The following MACROD2 variants were observed in gnomAD, a reference collection of about 807,000 sequenced individuals.
MACROD2 encodes mono-ADP ribosylhydrolase 2.
In MACROD2, 36 loss-of-function variants were observed where a neutral mutation model predicts 70.4. The ratio of observed to expected loss-of-function variants is 0.51; its 90% CI spans 0.39 to 0.68. MACROD2 has a LOEUF of 0.68. Ranked by LOEUF, MACROD2 falls within the 30% of genes least tolerant of loss-of-function variation. The pLI, the probability that MACROD2 is intolerant of heterozygous loss-of-function variation, is 0.00. For synonymous variants in MACROD2, 172 were observed against 178.8 expected, an observed-to-expected ratio of 0.96 and a Z score of 0.30; for missense variants, 496 against 538.4, an observed-to-expected ratio of 0.92 and a Z score of 0.78.
At chr20:15,830,278 A>C (rs753799079) in intron 8 of MACROD2, among the ~76,000 whole-genome samples, 1 of 152,218 alleles carries the variant, frequency 6.6e-6, no homozygotes, top group Non-Finnish European at 1.5e-5. Context: ...ACAGCATACA[A>C]AGTCACAAGG....
At chr20:14,223,401 A>T (rs998074303) in intron 3 of MACROD2, 4 of 152,226 alleles carry the variant, frequency 2.6e-5, no homozygotes, top group African/African-American at 9.6e-5. Context: ...GGTGTGAAAG[A>T]CAAAGATGAA....
chr20:15,964,821 C>T (rs1031603623), intron 12 of MACROD2, among the ~76,000 whole-genome samples: 1 of 152,150 alleles, frequency 6.6e-6, no homozygotes, highest in Non-Finnish European at 1.5e-5. Flanking sequence ...AAACCATCTT[C>T]CATAGGTACC....
chr20:15,981,494 GT>G (rs992985277), intron 13 of MACROD2, among the ~76,000 whole-genome samples: 2 of 152,042 alleles, frequency 1.3e-5, no homozygotes. Flanking sequence ...CAGGAACTGG[GT>G]CTGTAGGCAC....
intron 3 of MACROD2, among the ~76,000 whole-genome samples, chr20:14,305,842 A>AT (rs112159381): frequency 0.01 from 1,543 of 148,528 alleles, 24 homozygotes; most frequent in African/African-American, 0.033. Context: ...TTTGTTACAT[A>AT]TTTTTTTTTT....
chr20:15,672,991 A>G (rs116178170), intron 8 of MACROD2, among the ~76,000 whole-genome samples: 4,876 of 152,252 alleles, frequency 0.032, 101 homozygotes, highest in African/African-American at 0.042. Context: ...CATGTAAGAC[A>G]TGCCTTTTAC....
At chr20:15,898,570 A>AAG (rs397963173) in intron 10 of MACROD2, among the ~76,000 whole-genome samples, 1 of 150,936 alleles carries the variant, frequency 6.6e-6, no homozygotes, top group African/African-American at 2.4e-5. Flanking sequence ...AAAAAAAAAA[A>AAG]CAAATTCTAG....
At chr20:14,267,870 G>C in intron 3 of MACROD2, among the ~76,000 whole-genome samples, 1 of 152,088 alleles carries the variant, frequency 6.6e-6, no homozygotes, top group South Asian at 2.1e-4. Context: ...GGGATTCATA[G>C]ACCCCTGAAA....
Position 15,450,188 on chromosome 20 carries a change from G to A in MACROD2, c.571+18753G>A, listed in dbSNP as rs192885032. On this transcript the variant is annotated intron_variant, in intron 7 of 17. Transcript: ENST00000684519. The stretch of plus-strand genomic sequence containing the variant: ...TTATATATAGTATGTTTACTTGTCT[G>A]TGTGTGTACACATACATATAGTGAA... Among the ~76,000 whole-genome samples the A allele has an allele frequency of 1.4e-3, 208 of 151,930 alleles. 1 individual carries two copies. Among genetic ancestry groups the A allele is most frequent in the African/African-American group, 4.9e-3 (205 of 41,460 alleles).
intron 5 of MACROD2, among the ~76,000 whole-genome samples, chr20:15,004,766 A>G (rs1249111920): frequency 6.6e-6 from 1 of 152,342 alleles, no homozygotes; most frequent in African/African-American, 2.4e-5. Flanking sequence ...AGTAAATTCA[A>G]ACTGTTTACT....
intron 8 of MACROD2, among the ~76,000 whole-genome samples, chr20:15,821,978 G>C (rs1387687275): frequency 6.6e-5 from 10 of 152,120 alleles, no homozygotes; most frequent in African/African-American, 2.4e-4. Context: ...GCAACAGTTA[G>C]GACACTCAAT....
chr20:15,914,751 C>T (rs1001209916), intron 10 of MACROD2, among the ~76,000 whole-genome samples: 3 of 152,098 alleles, frequency 2.0e-5, no homozygotes, highest in Non-Finnish European at 4.4e-5. Flanking sequence ...AGATTAAGGA[C>T]TCAGTCCCAC....
intron 3 of MACROD2, among the ~76,000 whole-genome samples, chr20:14,140,453 C>T (rs577297957): frequency 2.6e-5 from 4 of 152,242 alleles, no homozygotes; most frequent in East Asian, 1.9e-4. Flanking sequence ...TGATTCTGAG[C>T]ATAGCATTTG....
intron 5 of MACROD2, among the ~76,000 whole-genome samples, chr20:15,050,264 C>G (rs1398289686): frequency 2.0e-5 from 3 of 152,100 alleles, no homozygotes; most frequent in African/African-American, 7.2e-5. Flanking sequence ...TGTAATTTGA[C>G]TTTCATATGG....
chr20:14,153,942 A>G (rs984880931), intron 3 of MACROD2, among the ~76,000 whole-genome samples: 3 of 152,290 alleles, frequency 2.0e-5, no homozygotes, highest in African/African-American at 7.2e-5. Context: ...TCTAATTTCA[A>G]CACCCTTTGC....
In MACROD2 at chr20:14,763,027, A is replaced by C. The variant is rs569495813; in HGVS notation, c.418+78068A>C. On this transcript the variant is annotated intron_variant, in intron 5 of 17. Coordinates refer to ENST00000684519, the MANE Select transcript of MACROD2 (RefSeq NM_001351661.2). ...GTGCAGTTACCATCGAGAGCAGGAA[A>C]ATAACAGAGAACAGAGAAAGGGGGA... 5.9e-5 allele frequency among the ~76,000 whole-genome samples: 9 copies of C among 152,214 alleles called. No individual in the cohort carries two copies. The South Asian group carries it at 1.7e-3, about 28-fold the overall frequency.
intron 6 of MACROD2, among the ~76,000 whole-genome samples, chr20:15,269,245 A>C (rs1205387361): frequency 6.6e-6 from 1 of 152,186 alleles, no homozygotes; most frequent in Non-Finnish European, 1.5e-5. Flanking sequence ...CATGCAGATG[A>C]TATGGTTAAG....
At chr20:14,745,656 C>T (rs568312365) in intron 5 of MACROD2, among the ~76,000 whole-genome samples, 2 of 152,272 alleles carry the variant, frequency 1.3e-5, no homozygotes, top group South Asian at 4.1e-4. Context: ...TAATGTACAA[C>T]ATTTGTAGGA....
At chr20:15,635,630 T>TG (rs2049352123) in intron 8 of MACROD2, among the ~76,000 whole-genome samples, 1 of 152,120 alleles carries the variant, frequency 6.6e-6, no homozygotes, top group Non-Finnish European at 1.5e-5. Flanking sequence ...AAAAAACTAT[T>TG]GGGTACTGTG....
chr20:14,533,107 A>G (rs971879118), intron 4 of MACROD2, among the ~76,000 whole-genome samples: 4 of 140,590 alleles, frequency 2.8e-5, no homozygotes, highest in Non-Finnish European at 4.6e-5. Flanking sequence ...ACAGCAACCA[A>G]TCAGAAAGGG....
Sources: gnomAD v4.1 joint callset for allele counts (sites outside exome capture counted in the v4.1 genomes callset) on GRCh38, gnomAD v4.1.1 for gene constraint, MANE v1.5 for transcripts, NCBI Gene and HGNC (gene_info 2026-07-23, HGNC 2026-07-21) for gene names.